Variants in PDE3A observed in about 807,000 individuals in gnomAD.
PDE3A encodes phosphodiesterase 3A.
PDE3A carries 43 observed loss-of-function variants against 98.3 expected under a neutral mutation model. The observed-to-expected ratio is 0.44, with a 90% CI of 0.34 to 0.56. The LOEUF (loss-of-function observed/expected upper bound fraction) is 0.56. PDE3A is among the 20% of genes least tolerant of loss of function. The pLI is 0.01. For missense variants in PDE3A, 1,427 were observed against 1,440.7 expected, an observed-to-expected ratio of 0.99 and a Z score of 0.15; for synonymous variants, 663 against 567.9, an observed-to-expected ratio of 1.17 and a Z score of -2.38.
intron 1 of PDE3A, among the ~76,000 whole-genome samples, chr12:20,498,224 C>T: frequency 6.6e-6 from 1 of 152,048 alleles, no homozygotes; most frequent in South Asian, 2.1e-4. Context: ...AATCCCAAGT[C>T]TCATAGATTG....
intron 3 of PDE3A, among the ~76,000 whole-genome samples, chr12:20,615,077 A>G (rs1943971595): frequency 8.3e-6 from 1 of 120,530 alleles, no homozygotes; most frequent in South Asian, 2.6e-4. Flanking sequence ...GCTGGAGTGC[A>G]GTGGCGTGAT....
chr12:20,369,628 C>T lies in PDE3A; in HGVS notation c.344C>T (p.Pro115Leu). 2 of 1,586,404 alleles carry T rather than the reference C, an allele frequency of 1.3e-6. No individual in the cohort carries two copies. The highest frequency in any genetic ancestry group is 1.7e-6 in the Non-Finnish European group (2 of 1,167,030). The change falls in exon 1 of 16, where the codon CCT becomes CTT. Residue 115 changes from proline to leucine, a missense_variant. By Grantham distance (98) the Pro-to-Leu change is moderately conservative. Transcript: ENST00000359062. ...GCAGAAGGGGGCGTCTTCCCGGGGC[C>T]TCGGGGAGGTGCTCCCGGGGGCGGT... ...PGAEGGVFPG[P>L]RGGAPGGGAR... is the part of the protein sequence containing the mutation.
At chr12:20,647,219 C>T (rs976127460) in intron 12 of PDE3A, among the ~76,000 whole-genome samples, 1 of 152,048 alleles carries the variant, frequency 6.6e-6, no homozygotes, top group East Asian at 1.9e-4. Context: ...GTTAATGGAC[C>T]TCTTTAACAA....
intron 1 of PDE3A, among the ~76,000 whole-genome samples, chr12:20,486,689 A>C (rs970829629): frequency 1.3e-5 from 2 of 152,188 alleles, no homozygotes; most frequent in Non-Finnish European, 2.9e-5. Flanking sequence ...GCTGGAGTGC[A>C]GTGGTGCAAT....
rs530718635 is a variant in PDE3A at position 20,442,921 on chromosome 12, T to C, written c.960+72677T>C. ...AAGAACAAAGCAGTGTCACAGAAAA[T>C]AGGTTGCATTATTCTTAGAAATATA... is the stretch of plus-strand genomic sequence containing the variant. On this transcript the variant is annotated intron_variant, in intron 1 of 15. Transcript: ENST00000359062. 9.2e-5 allele frequency among the ~76,000 whole-genome samples: 14 copies of C among 152,116 alleles called. 1 individual carries two copies. The highest frequency in any genetic ancestry group is 3.4e-4 in the African/African-American group (14 of 41,496).
intron 1 of PDE3A, among the ~76,000 whole-genome samples, chr12:20,479,678 G>A (rs749074346): frequency 6.6e-6 from 1 of 152,184 alleles, no homozygotes; most frequent in Non-Finnish European, 1.5e-5. Flanking sequence ...CTGGGGCAGC[G>A]TGGAAGAAAC....
At chr12:20,455,910 C>A (rs1370948309) in intron 1 of PDE3A, among the ~76,000 whole-genome samples, 1 of 152,100 alleles carries the variant, frequency 6.6e-6, no homozygotes, top group Non-Finnish European at 1.5e-5. Context: ...AGCTTTCCTG[C>A]ATCAAAGCGT....
chr12:20,654,583 G>A lies in PDE3A; in HGVS notation c.3184+378G>A, dbSNP rs898354998. 2.0e-5 allele frequency among the ~76,000 whole-genome samples: 3 copies of A among 150,594 alleles called. No homozygotes were observed. In the South Asian group the frequency reaches 6.3e-4, roughly 32 times the overall value. ...ACGATCTCGGCTCACTGCAAGCTCC[G>A]CCTCCCAGGTTCATGCCATTCTCCT... On this transcript the variant is annotated intron_variant, in intron 15 of 15. Transcript: ENST00000359062.
At chr12:20,511,499 G>A (rs1946222938) in intron 1 of PDE3A, among the ~76,000 whole-genome samples, 1 of 151,822 alleles carries the variant, frequency 6.6e-6, no homozygotes, top group Non-Finnish European at 1.5e-5. Flanking sequence ...AACTGAAAGA[G>A]TTCCCAATGG....
Position 20,584,007 on chromosome 12 carries a change from T to TTA in PDE3A, c.1011+27297_1011+27298insTA, listed in dbSNP as rs1385808521. Among the ~76,000 whole-genome samples, 3 of 152,176 alleles carry TTA rather than the reference T, an allele frequency of 2.0e-5. No individual in the cohort carries two copies. The East Asian group carries it at 5.8e-4, about 29-fold the overall frequency. On this transcript the variant is annotated intron_variant, in intron 2 of 15. Coordinates refer to ENST00000359062, the MANE Select transcript of PDE3A (RefSeq NM_000921.5). ...CTCAGGTTCAGAGAGAGCCATCTAA[T>TTA]GACCACAACCTTCAAGTTCTAGACG...
rs1379385513 is a variant in PDE3A, at chr12:20,528,095, A to C, written c.961-28565A>C. On this transcript the variant is annotated intron_variant, in intron 1 of 15. Coordinates refer to ENST00000359062, the MANE Select transcript of PDE3A (RefSeq NM_000921.5). ...TGATTAAAGGGTACATAGGCTTTGTAATGCCCTGACAACTTTAATTGTTTC... is the reference window on the plus strand; with the variant it reads ...TGATTAAAGGGTACATAGGCTTTGTCATGCCCTGACAACTTTAATTGTTTC... 3.3e-5 allele frequency among the ~76,000 whole-genome samples: 5 copies of C among 152,144 alleles called. No homozygotes were observed. The East Asian group carries it at 9.6e-4, about 29-fold the overall frequency.
intron 1 of PDE3A, among the ~76,000 whole-genome samples, chr12:20,518,959 TAATTGA>T (rs1946372924): frequency 6.6e-6 from 1 of 152,340 alleles, no homozygotes; most frequent in South Asian, 2.1e-4. Flanking sequence ...TCATTTCATT[TAATTGA>T]AATTGCTACA....
intron 1 of PDE3A, among the ~76,000 whole-genome samples, chr12:20,527,808 T>A (rs531621327): frequency 4.6e-5 from 7 of 151,100 alleles, no homozygotes; most frequent in Admixed American, 2.6e-4. Context: ...GGGGCAAAAC[T>A]TTTTTCCCCC....
chr12:20,468,529 A>G (rs1945382775), intron 1 of PDE3A, among the ~76,000 whole-genome samples: 1 of 152,222 alleles, frequency 6.6e-6, no homozygotes, highest in Non-Finnish European at 1.5e-5. Context: ...TTATATAAAC[A>G]TGCCAGAGAT....
At chr12:20,573,510 T>C (rs1352510405) in intron 2 of PDE3A, among the ~76,000 whole-genome samples, 2 of 144,762 alleles carry the variant, frequency 1.4e-5, no homozygotes, top group Admixed American at 6.7e-5. Flanking sequence ...GAGGTAAGAC[T>C]GTGTTCAAAT....
At chr12:20,523,933 AC>A (rs1157200025) in intron 1 of PDE3A, among the ~76,000 whole-genome samples, 2 of 151,976 alleles carry the variant, frequency 1.3e-5, no homozygotes, top group Non-Finnish European at 2.9e-5. Flanking sequence ...CAAGTTTATT[AC>A]TTTATATGTG....
chr12:20,517,046 A>C (rs953801477), intron 1 of PDE3A, among the ~76,000 whole-genome samples: 1 of 152,218 alleles, frequency 6.6e-6, no homozygotes, highest in African/African-American at 2.4e-5. Context: ...GCATTTACTG[A>C]ATGGCAAAGT....
intron 14 of PDE3A, among the ~76,000 whole-genome samples, chr12:20,652,157 C>T (rs1944933921): frequency 6.6e-6 from 1 of 152,086 alleles, no homozygotes; most frequent in Admixed American, 6.6e-5. Flanking sequence ...TTTTCTTAAT[C>T]CAGTCTATCA....
intron 3 of PDE3A, among the ~76,000 whole-genome samples, chr12:20,614,216 T>G (rs1263174831): frequency 2.0e-5 from 3 of 152,168 alleles, no homozygotes; most frequent in Admixed American, 6.5e-5. Context: ...GTAAAATATA[T>G]CCTTAGTGAT....
Sources: gnomAD v4.1 joint callset for allele counts (sites outside exome capture counted in the v4.1 genomes callset) on GRCh38, gnomAD v4.1.1 for gene constraint, MANE v1.5 for transcripts, NCBI Gene and HGNC (gene_info 2026-07-23, HGNC 2026-07-21) for gene names.